PCDH15: variants seen among roughly 807,000 people sequenced by gnomAD.
PCDH15 encodes protocadherin related 15.
PCDH15 carries 129 observed loss-of-function variants against 178.5 expected under a neutral mutation model. The ratio of observed to expected loss-of-function variants is 0.72; its 90% confidence interval spans 0.63 to 0.84. PCDH15 has a LOEUF of 0.84. PCDH15 is among the 40% of genes least tolerant of loss of function. PCDH15 has a pLI of 0.00. For missense variants in PCDH15, 2,230 were observed against 2,099.9 expected, an observed-to-expected ratio of 1.06 and a Z score of -1.21; for synonymous variants, 800 against 732.0, an observed-to-expected ratio of 1.09 and a Z score of -1.50.
intron 15 of PCDH15, among the ~76,000 whole-genome samples, chr10:54,116,918 C>T (rs1163209721): frequency 1.3e-5 from 2 of 152,062 alleles, no homozygotes; most frequent in African/African-American, 4.8e-5. Context: ...TTAAGAAGCA[C>T]TGATCTAGCA....
At chr10:53,917,864 C>T (rs1482953474) in intron 25 of PCDH15, among the ~76,000 whole-genome samples, 2 of 152,060 alleles carry the variant, frequency 1.3e-5, no homozygotes, top group African/African-American at 2.4e-5. Flanking sequence ...AGATTTCTCA[C>T]TCTGAGTTCT....
chr10:54,456,943 T>C (rs542509781), intron 3 of PCDH15, among the ~76,000 whole-genome samples: 195 of 152,258 alleles, frequency 1.3e-3, no homozygotes, highest in African/African-American at 4.5e-3. Flanking sequence ...ATTGTAAGCT[T>C]CCTGAGGCCT....
In PCDH15 at chr10:53,840,631, T is replaced by C. The variant is rs1469368318; in HGVS notation, c.3807-135A>G. 2.4e-6 allele frequency: 2 copies of C among 821,990 alleles called. 1 individual carries two copies. The highest frequency in any genetic ancestry group is 3.4e-5 in the African/African-American group (2 of 58,338). The allele number at this position is 821,990 out of a possible 1,614,324, so 50.9% of individuals were successfully genotyped here. ...GTTTTTTGTTAATGTTTACTGAATA[T>C]AAACCCTTGAAAAACATTCTCTATA... On this transcript the variant is annotated intron_variant, in intron 28 of 37. Transcript: ENST00000644397.
intron 9 of PCDH15, among the ~76,000 whole-genome samples, chr10:54,224,488 G>C (rs1053572885): frequency 6.6e-6 from 1 of 151,958 alleles, no homozygotes; most frequent in Non-Finnish European, 1.5e-5. Context: ...TAAAAATATA[G>C]CTGCTTCTGA....
At chr10:55,369,059 T>C (rs1469923771) in intron 2 of PCDH15, among the ~76,000 whole-genome samples, 1 of 141,594 alleles carries the variant, frequency 7.1e-6, no homozygotes, top group East Asian at 2.1e-4. Flanking sequence ...TGAAACATGA[T>C]CATAGTCAGA....
At chr10:55,204,729 A>G (rs544912532) in intron 1 of PCDH15, among the ~76,000 whole-genome samples, 25 of 152,160 alleles carry the variant, frequency 1.6e-4, no homozygotes, top group African/African-American at 5.8e-4. Flanking sequence ...GTATCTTTTA[A>G]TAGTATGAAA....
At chr10:55,026,159 A>G (rs1030068673) in intron 2 of PCDH15, among the ~76,000 whole-genome samples, 3 of 151,990 alleles carry the variant, frequency 2.0e-5, no homozygotes, top group African/African-American at 7.2e-5. Flanking sequence ...CAAATGGAAG[A>G]CAGGATTCAC....
At chr10:55,049,252 C>T (rs1351647538) in intron 2 of PCDH15, among the ~76,000 whole-genome samples, 4 of 151,744 alleles carry the variant, frequency 2.6e-5, no homozygotes, top group Non-Finnish European at 4.4e-5. Context: ...GGCTTTTATA[C>T]GCAATAGGGG....
At chr10:54,280,284 T>G (rs538254431) in intron 8 of PCDH15, among the ~76,000 whole-genome samples, 4 of 120,380 alleles carry the variant, frequency 3.3e-5, no homozygotes, top group Middle Eastern at 3.7e-3. Context: ...ATTTCTAGTT[T>G]TTTTTTTTTT....
chr10:54,627,593 C>T (rs1375842911), intron 2 of PCDH15, among the ~76,000 whole-genome samples: 7 of 152,104 alleles, frequency 4.6e-5, no homozygotes, highest in Middle Eastern at 3.2e-3. Context: ...AAACTTCTTT[C>T]GTTTGTTAAT....
chr10:55,539,293 T>C (rs1841703385), intron 2 of PCDH15, among the ~76,000 whole-genome samples: 1 of 152,094 alleles, frequency 6.6e-6, no homozygotes, highest in Non-Finnish European at 1.5e-5. Flanking sequence ...TTCTTCATAA[T>C]CAAAATGAAA....
chr10:53,980,817 C>T (rs2090575582), intron 21 of PCDH15, among the ~76,000 whole-genome samples: 1 of 152,156 alleles, frequency 6.6e-6, no homozygotes, highest in Non-Finnish European at 1.5e-5. Context: ...AACCTAACGG[C>T]ACTCAGGAAG....
At chr10:54,334,865 A>G (rs1940729293) in intron 6 of PCDH15, among the ~76,000 whole-genome samples, 1 of 151,986 alleles carries the variant, frequency 6.6e-6, no homozygotes, top group Admixed American at 6.6e-5. Context: ...TTTTTTTTGA[A>G]GTATCTTCCC....
chr10:54,795,892 T>C (rs2133623110), intron 1 of PCDH15, among the ~76,000 whole-genome samples: 1 of 152,066 alleles, frequency 6.6e-6, no homozygotes. Context: ...ATGATGATGA[T>C]AAGTATCAAT....
At chr10:55,086,991 A>G (rs16906895) in intron 2 of PCDH15, among the ~76,000 whole-genome samples, 6,173 of 152,116 alleles carry the variant, frequency 0.041, 302 homozygotes, top group East Asian at 0.15. Flanking sequence ...TCTTTGCAGT[A>G]TTTTTGCTAG....
At chr10:54,654,511 T>C (rs1016104724) in intron 2 of PCDH15, among the ~76,000 whole-genome samples, 2 of 152,164 alleles carry the variant, frequency 1.3e-5, no homozygotes, top group Admixed American at 6.5e-5. Flanking sequence ...AAGGAAGTAG[T>C]TACTGGAAGC....
chr10:54,934,594 G>A (rs1350624189), intron 2 of PCDH15, among the ~76,000 whole-genome samples: 1 of 151,428 alleles, frequency 6.6e-6, no homozygotes, highest in African/African-American at 2.4e-5. Flanking sequence ...TGCTGGAGAG[G>A]ATGTGGAGAA....
At chr10:54,210,530 A>G (rs10825275) in intron 10 of PCDH15, among the ~76,000 whole-genome samples, 30,929 of 151,854 alleles carry the variant, frequency 0.2, 6,238 homozygotes, top group African/African-American at 0.53. Flanking sequence ...GCAAAAAAGC[A>G]GCTTCCTAAC....
chr10:55,597,799 C>G (rs1438192441), intron 2 of PCDH15, among the ~76,000 whole-genome samples: 2 of 152,218 alleles, frequency 1.3e-5, no homozygotes, highest in Non-Finnish European at 1.5e-5. Context: ...CAAAATACCA[C>G]TCAAATGTTT....
Sources: allele counts gnomAD v4.1 joint callset (sites outside exome capture counted in the v4.1 genomes callset), GRCh38; gene constraint gnomAD v4.1.1; transcripts MANE v1.5; gene names NCBI Gene and HGNC (gene_info 2026-07-23, HGNC 2026-07-21).